Variants in TNR observed in about 807,000 individuals in gnomAD.
TNR encodes the protein tenascin-R.
A neutral mutation model predicts 150.4 loss-of-function variants in TNR; 45 were observed. That is an observed-to-expected ratio of 0.30 (90% CI 0.24 to 0.38). The LOEUF (loss-of-function observed/expected upper bound fraction) is 0.38, where lower values mean the gene tolerates loss of function less well. Among genes scored for constraint, TNR ranks in the 10% least tolerant of loss-of-function variants. TNR has a pLI of 1.00. For missense variants in TNR, 1,544 were observed against 1,759.1 expected (o/e 0.88, Z 2.19); for synonymous variants, 687 against 678.4 (o/e 1.01, Z -0.20).
At chr1:175,429,262 AAGAT>A in intron 2 of TNR, among the ~76,000 whole-genome samples, 1 of 152,344 alleles carries the variant, frequency 6.6e-6, no homozygotes, top group Admixed American at 6.5e-5. Context: ...GTGAATCATT[AAGAT>A]AGATATAGAT....
chr1:175,534,519 C>A (rs1660194000), intron 1 of TNR, among the ~76,000 whole-genome samples: 1 of 152,202 alleles, frequency 6.6e-6, no homozygotes, highest in South Asian at 2.1e-4. Context: ...CACACACTGC[C>A]CAAGTGCATC....
intron 9 of TNR, 146 bp downstream of exon 9, chr1:175,379,406 A>T: frequency 1.7e-6 from 1 of 601,568 alleles, no homozygotes; most frequent in Non-Finnish European, 2.8e-6. Flanking sequence ...AGTACAATGG[A>T]TAGTACTAGA....
intron 2 of TNR, among the ~76,000 whole-genome samples, chr1:175,478,682 C>T (rs1387808046): frequency 1.3e-5 from 2 of 151,962 alleles, no homozygotes; most frequent in Non-Finnish European, 2.9e-5. Flanking sequence ...AAAGGAGGGA[C>T]AATCCATGCC....
chr1:175,376,706 C>A (rs1432548058), intron 9 of TNR, among the ~76,000 whole-genome samples: 1 of 152,176 alleles, frequency 6.6e-6, no homozygotes, highest in Non-Finnish European at 1.5e-5. Context: ...AGAGAACCAA[C>A]AATCCTTGCA....
intron 2 of TNR, among the ~76,000 whole-genome samples, chr1:175,430,900 T>A (rs1170324945): frequency 2.0e-5 from 3 of 152,226 alleles, no homozygotes; most frequent in African/African-American, 7.2e-5. Context: ...GTAAAAAATA[T>A]AATTTTCTAT....
At chr1:175,419,712 C>T (rs1654665436) in intron 2 of TNR, among the ~76,000 whole-genome samples, 1 of 152,110 alleles carries the variant, frequency 6.6e-6, no homozygotes, top group South Asian at 2.1e-4. Flanking sequence ...AAACTCCTGA[C>T]CTCAGGTGAT....
chr1:175,483,196 G>T (rs1657876507), intron 2 of TNR, among the ~76,000 whole-genome samples: 1 of 152,224 alleles, frequency 6.6e-6, no homozygotes, highest in African/African-American at 2.4e-5. Flanking sequence ...AGACAGTCTA[G>T]TCAAGAGATG....
Position 175,614,827 on chromosome 1 carries a change from C to T in TNR, c.-164-86458G>A, listed in dbSNP as rs555648757. On this transcript the variant is annotated intron_variant, in intron 1 of 22. Transcript: ENST00000367674. The stretch of plus-strand genomic sequence containing the variant: ...TGACCTGTATGAGCACACACAGAGA[C>T]GTCTCAGCACTCAGGTTCTTCCACA... 3.7e-4 allele frequency among the ~76,000 whole-genome samples: 57 copies of T among 152,334 alleles called. 2 individuals are homozygous for T. The East Asian group carries it at 6.2e-3, about 16-fold the overall frequency.
At chr1:175,451,506 C>T (rs918037777) in intron 2 of TNR, among the ~76,000 whole-genome samples, 1 of 152,122 alleles carries the variant, frequency 6.6e-6, no homozygotes, top group African/African-American at 2.4e-5. Context: ...CAGTCTGGTG[C>T]TCTGCCATGC....
chr1:175,519,871 G>A (rs1166838289), intron 2 of TNR, among the ~76,000 whole-genome samples: 1 of 152,180 alleles, frequency 6.6e-6, no homozygotes, highest in Non-Finnish European at 1.5e-5. Flanking sequence ...TTCCTTCCTG[G>A]TGTCTGGCTG....
At chr1:175,432,866 C>G (rs1655338928) in intron 2 of TNR, among the ~76,000 whole-genome samples, 1 of 152,138 alleles carries the variant, frequency 6.6e-6, no homozygotes, top group East Asian at 1.9e-4. Context: ...GACTGCATAT[C>G]CCAGTCTTTC....
At chr1:175,393,723 C>A in intron 6 of TNR, 57 bp downstream of exon 6, 10 of 1,417,014 alleles carry the variant, frequency 7.1e-6, no homozygotes, top group Non-Finnish European at 1.0e-5. Context: ...TGATTCCAAG[C>A]TAAAGGTACA....
chr1:175,432,796 T>A (rs375227298), intron 2 of TNR, among the ~76,000 whole-genome samples: 171 of 152,290 alleles, frequency 1.1e-3, no homozygotes, highest in African/African-American at 3.6e-3. Flanking sequence ...TTCACTCTCC[T>A]CTTCTCTTTT....
intron 2 of TNR, 109 bp from the exon 3 acceptor site, chr1:175,406,886 G>C (rs1043010052): frequency 1.6e-5 from 12 of 765,992 alleles, no homozygotes; most frequent in Non-Finnish European, 2.5e-5. Context: ...ATTTTCAAGG[G>C]GGGGGCGTCA....
intron 1 of TNR, among the ~76,000 whole-genome samples, chr1:175,580,302 C>G (rs975110740): frequency 6.6e-6 from 1 of 152,192 alleles, no homozygotes. Flanking sequence ...GAACCTGGCA[C>G]AGTGCTGCAC....
chr1:175,674,530 C>T (rs1053167130), intron 1 of TNR, among the ~76,000 whole-genome samples: 1 of 152,240 alleles, frequency 6.6e-6, no homozygotes, highest in African/African-American at 2.4e-5. Context: ...GCACACACAG[C>T]ACACATGCCC....
At chr1:175,389,919 G>A (rs1653096353) in intron 7 of TNR, among the ~76,000 whole-genome samples, 2 of 152,146 alleles carry the variant, frequency 1.3e-5, no homozygotes, top group African/African-American at 4.8e-5. Context: ...GCAGAACCAT[G>A]GTTTGAAAGC....
chr1:175,634,040 C>G (rs7538256), intron 1 of TNR, among the ~76,000 whole-genome samples: 38,499 of 151,852 alleles, frequency 0.25, 5,606 homozygotes, highest in East Asian at 0.5. Flanking sequence ...AAGGCCAACC[C>G]CATGAAGTCA....
chr1:175,560,914 G>A (rs1199935707), intron 1 of TNR, among the ~76,000 whole-genome samples: 8 of 152,138 alleles, frequency 5.3e-5, no homozygotes, highest in South Asian at 4.1e-4. Flanking sequence ...TAACAAAATC[G>A]ATTTTGTTCC....
Sources: allele counts gnomAD v4.1 joint callset (sites outside exome capture counted in the v4.1 genomes callset), GRCh38; gene constraint gnomAD v4.1.1; transcripts MANE v1.5; gene names NCBI Gene and HGNC (gene_info 2026-07-23, HGNC 2026-07-21).